TEAD1: variants seen among roughly 807,000 people sequenced by gnomAD.
The protein encoded by TEAD1 is transcriptional enhancer factor TEF-1.
A neutral mutation model predicts 54.9 loss-of-function variants in TEAD1; 9 were observed. That is an observed-to-expected ratio of 0.16 (90% confidence interval 0.10 to 0.29). The LOEUF is 0.29. Among genes scored for constraint, TEAD1 ranks in the 10% least tolerant of loss-of-function variants. The pLI is 1.00. For missense variants in TEAD1, 387 were observed against 535.9 expected (o/e 0.72, Z 2.74); for synonymous variants, 200 against 187.8 (o/e 1.07, Z -0.53).
At chr11:12,764,102 A>G in intron 2 of TEAD1, 77 bp from the exon 3 acceptor site, 1 of 891,696 alleles carries the variant, frequency 1.1e-6, no homozygotes, top group South Asian at 1.8e-5. Flanking sequence ...GTGACTGAAG[A>G]ACTTGCACTA....
At chr11:12,845,889 C>T (rs1367147273) in intron 3 of TEAD1, among the ~76,000 whole-genome samples, 2 of 152,214 alleles carry the variant, frequency 1.3e-5, no homozygotes, top group East Asian at 3.9e-4. Flanking sequence ...GCTCAGCATA[C>T]CACACAGGAA....
chr11:12,818,704 A>G (rs1946468192), intron 3 of TEAD1, among the ~76,000 whole-genome samples: 1 of 152,230 alleles, frequency 6.6e-6, no homozygotes, highest in Admixed American at 6.5e-5. Flanking sequence ...AGAGGGCAAC[A>G]GGGAGACATT....
At chr11:12,882,887 GA>G in intron 8 of TEAD1, 113 bp from the exon 9 acceptor site, 1 of 1,508,974 alleles carries the variant, frequency 6.6e-7, no homozygotes, top group South Asian at 1.1e-5. Context: ...AGCCGGTGGA[GA>G]GGGGGCTGTT....
chr11:12,780,791 A>G (rs944747773), intron 3 of TEAD1, among the ~76,000 whole-genome samples: 1 of 152,250 alleles, frequency 6.6e-6, no homozygotes, highest in Non-Finnish European at 1.5e-5. Context: ...AAATTGATCT[A>G]CAGATTCAGT....
intron 3 of TEAD1, among the ~76,000 whole-genome samples, chr11:12,838,625 G>A (rs1946958340): frequency 6.6e-6 from 1 of 152,302 alleles, no homozygotes; most frequent in African/African-American, 2.4e-5. Flanking sequence ...AATGAGCACT[G>A]CTTCAGAGTC....
At chr11:12,859,490 T>C (rs1429556634) in intron 3 of TEAD1, among the ~76,000 whole-genome samples, 1 of 152,162 alleles carries the variant, frequency 6.6e-6, no homozygotes, top group Non-Finnish European at 1.5e-5. Context: ...TTCTCGTAAT[T>C]AGGTACTCCT....
chr11:12,684,141 CAG>C (rs1943282827), intron 2 of TEAD1, among the ~76,000 whole-genome samples: 1 of 152,290 alleles, frequency 6.6e-6, no homozygotes, highest in Admixed American at 6.5e-5. Context: ...CTCAGGCAAA[CAG>C]ATAGAAATCT....
chr11:12,879,735 C>A lies in TEAD1; in HGVS notation c.358C>A (p.Gln120Lys), dbSNP rs758831739. 1 of 1,614,098 alleles carries A rather than the reference C, an allele frequency of 6.2e-7. No individual in the cohort carries two copies. Among genetic ancestry groups the A allele is most frequent in the African/African-American group, 1.3e-5 (1 of 74,938 alleles). The change falls in exon 6 of 13, where the codon CAG becomes AAG. Residue 120 changes from glutamine to lysine, a missense_variant. Gln to Lys is a moderately conservative substitution (Grantham distance 53). Transcript: ENST00000527636. ...TCAGACTGCAAAGGATAAGGCCCTG[C>A]AGCACATGGCGGCCATGTCCTCAGC...
At chr11:12,705,363 TAGTC>T (rs1245890746) in intron 2 of TEAD1, among the ~76,000 whole-genome samples, 3 of 152,130 alleles carry the variant, frequency 2.0e-5, no homozygotes, top group Admixed American at 6.5e-5. Flanking sequence ...TGCGTGAAAA[TAGTC>T]GGTGTCATTG....
intron 3 of TEAD1, among the ~76,000 whole-genome samples, chr11:12,825,580 C>CT (rs1182704174): frequency 6.6e-6 from 1 of 152,056 alleles, no homozygotes. Context: ...TTAAATCTTC[C>CT]TAAAATGATT....
intron 5 of TEAD1, among the ~76,000 whole-genome samples, chr11:12,870,037 A>G (rs935019718): frequency 2.0e-5 from 3 of 151,684 alleles, no homozygotes; most frequent in African/African-American, 7.3e-5. Context: ...TCATCACGAC[A>G]CTCAGCTAAT....
intron 3 of TEAD1, among the ~76,000 whole-genome samples, chr11:12,826,828 C>G (rs1170393757): frequency 2.0e-5 from 3 of 152,190 alleles, no homozygotes; most frequent in Non-Finnish European, 4.4e-5. Flanking sequence ...GGCTCAGACT[C>G]TAGAGGTTCC....
chr11:12,924,872 G>T (rs1490560986), intron 10 of TEAD1, 40 bp from the exon 11 acceptor site: 2 of 1,613,754 alleles, frequency 1.2e-6, no homozygotes, highest in Non-Finnish European at 8.5e-7. Context: ...TGACTCCTGG[G>T]ATGAGAGAAT....
intron 9 of TEAD1, among the ~76,000 whole-genome samples, chr11:12,889,747 G>A (rs1056746127): frequency 4.0e-5 from 6 of 151,890 alleles, no homozygotes; most frequent in African/African-American, 1.5e-4. Flanking sequence ...ATTGAGGCAG[G>A]GTCTCACTGC....
chr11:12,864,728 G>C, intron 4 of TEAD1, 110 bp from the exon 5 acceptor site: 1 of 1,606,174 alleles, frequency 6.2e-7, no homozygotes, highest in Non-Finnish European at 8.5e-7. Context: ...GAAAGTTCGA[G>C]AAATTCAAGC....
At chr11:12,859,301 A>C (rs1158300376) in intron 3 of TEAD1, among the ~76,000 whole-genome samples, 1 of 152,238 alleles carries the variant, frequency 6.6e-6, no homozygotes, top group African/African-American at 2.4e-5. Flanking sequence ...AAAATAAACA[A>C]GTTTGAGGGT....
At chr11:12,893,632 G>A (rs886961466) in intron 9 of TEAD1, among the ~76,000 whole-genome samples, 3 of 152,070 alleles carry the variant, frequency 2.0e-5, no homozygotes, top group South Asian at 4.1e-4. Context: ...CTTCTGTGGG[G>A]AAGACACACT....
At chr11:12,774,839 G>A (rs958491884) in intron 3 of TEAD1, among the ~76,000 whole-genome samples, 3 of 152,118 alleles carry the variant, frequency 2.0e-5, no homozygotes, top group African/African-American at 7.2e-5. Flanking sequence ...CATGGACACC[G>A]ACACATAGAT....
At chr11:12,682,227 T>C (rs942527581) in intron 2 of TEAD1, among the ~76,000 whole-genome samples, 5 of 152,246 alleles carry the variant, frequency 3.3e-5, no homozygotes, top group African/African-American at 1.2e-4. Context: ...GCTGAATCTT[T>C]ATGGAATTCA....
Sources: gnomAD v4.1 joint callset for allele counts (sites outside exome capture counted in the v4.1 genomes callset) on GRCh38, gnomAD v4.1.1 for gene constraint, MANE v1.5 for transcripts, NCBI Gene and HGNC (gene_info 2026-07-23, HGNC 2026-07-21) for gene names.